Variants in DPYD observed in about 807,000 individuals in gnomAD.
The protein encoded by DPYD is dihydropyrimidine dehydrogenase [NADP(+)].
Under a neutral mutation model 116.2 loss-of-function variants are expected in DPYD, and 109 were observed. The ratio of observed to expected loss-of-function variants is 0.94; its 90% CI spans 0.80 to 1.10. The LOEUF (loss-of-function observed/expected upper bound fraction) is 1.10, where lower values mean the gene tolerates loss of function less well. Among genes scored for constraint, DPYD ranks in the 50% least tolerant of loss-of-function variants. The probability of loss-of-function intolerance (pLI) is 0.00; values close to 1 mark genes in which losing one functional copy is unlikely to be tolerated. For synonymous variants in DPYD, 440 were observed against 432.0 expected (o/e 1.02, Z -0.23); for missense variants, 1,302 against 1,254.5 (o/e 1.04, Z -0.57).
intron 20 of DPYD, among the ~76,000 whole-genome samples, chr1:97,103,449 TAC>T (rs1361249355): frequency 1.3e-5 from 2 of 152,254 alleles, no homozygotes; most frequent in East Asian, 3.9e-4. Flanking sequence ...AAAGTCCATC[TAC>T]ATATTACACG....
intron 20 of DPYD, among the ~76,000 whole-genome samples, chr1:97,151,244 G>T (rs1347739442): frequency 6.6e-6 from 1 of 152,094 alleles, no homozygotes; most frequent in Non-Finnish European, 1.5e-5. Flanking sequence ...CATATATAGA[G>T]ATTATACAGA....
intron 20 of DPYD, among the ~76,000 whole-genome samples, chr1:97,161,894 C>T (rs966753016): frequency 3.3e-5 from 5 of 151,980 alleles, no homozygotes; most frequent in East Asian, 1.9e-4. Flanking sequence ...CTACAAAGGA[C>T]ATGAACTCAC....
chr1:97,632,588 C>T (rs945926841), intron 8 of DPYD, among the ~76,000 whole-genome samples: 2 of 152,080 alleles, frequency 1.3e-5, no homozygotes, highest in African/African-American at 2.4e-5. Flanking sequence ...CATTGCTATT[C>T]ATCAATGATA....
intron 10 of DPYD, among the ~76,000 whole-genome samples, chr1:97,574,609 T>C (rs1653139444): frequency 6.6e-6 from 1 of 152,152 alleles, no homozygotes; most frequent in Non-Finnish European, 1.5e-5. Flanking sequence ...ACGTAATTCA[T>C]TTTGCCATAA....
chr1:97,336,164 T>C (rs1299885215), intron 16 of DPYD, among the ~76,000 whole-genome samples: 1 of 152,180 alleles, frequency 6.6e-6, no homozygotes, highest in African/African-American at 2.4e-5. Flanking sequence ...TCAAACACCA[T>C]GGCACAATAA....
chr1:97,423,995 T>TA (rs1220812564), intron 14 of DPYD, among the ~76,000 whole-genome samples: 1 of 152,106 alleles, frequency 6.6e-6, no homozygotes, highest in Non-Finnish European at 1.5e-5. Flanking sequence ...TGCACCTCTT[T>TA]AACACACCGA....
At chr1:97,913,497 G>C (rs1674066180) in intron 1 of DPYD, among the ~76,000 whole-genome samples, 1 of 152,078 alleles carries the variant, frequency 6.6e-6, no homozygotes, top group African/African-American at 2.4e-5. Flanking sequence ...GAGAGCAAGG[G>C]ATCTATGGCA....
chr1:97,480,487 G>A (rs1191246250), intron 13 of DPYD, among the ~76,000 whole-genome samples: 1 of 152,198 alleles, frequency 6.6e-6, no homozygotes, highest in Non-Finnish European at 1.5e-5. Context: ...AAAAAGTGTA[G>A]TGTAGTCATA....
chr1:97,516,963 T>C (rs771808819), intron 12 of DPYD, among the ~76,000 whole-genome samples: 5 of 152,106 alleles, frequency 3.3e-5, no homozygotes, highest in African/African-American at 4.8e-5. Flanking sequence ...CATTCTCTTG[T>C]GAATCATCAC....
chr1:97,686,753 C>A (rs1338630079), intron 7 of DPYD, among the ~76,000 whole-genome samples: 1 of 149,466 alleles, frequency 6.7e-6, no homozygotes, highest in East Asian at 2.0e-4. Flanking sequence ...AAGATTTCAT[C>A]ATGAAAACAT....
intron 20 of DPYD, among the ~76,000 whole-genome samples, chr1:97,164,566 C>G (rs828058): frequency 5.9e-5 from 9 of 152,042 alleles, no homozygotes; most frequent in African/African-American, 2.2e-4. Flanking sequence ...GCTGATAAAC[C>G]TCTTCTGCAA....
chr1:97,579,217 T>G (rs1653472610), intron 10 of DPYD, among the ~76,000 whole-genome samples: 1 of 152,244 alleles, frequency 6.6e-6, no homozygotes, highest in Admixed American at 6.5e-5. Flanking sequence ...GCATCAAGAC[T>G]GGTCACAGCC....
intron 8 of DPYD, among the ~76,000 whole-genome samples, chr1:97,624,555 G>A (rs1268024846): frequency 2.6e-5 from 4 of 151,886 alleles, no homozygotes; most frequent in Non-Finnish European, 4.4e-5. Context: ...AAGCAGAAAG[G>A]CAGTTCCTCG....
At chr1:97,838,714 G>A (rs902143883) in intron 2 of DPYD, among the ~76,000 whole-genome samples, 7 of 152,026 alleles carry the variant, frequency 4.6e-5, no homozygotes, top group Middle Eastern at 3.4e-3. Flanking sequence ...GCGCGGTGGC[G>A]GGCGCCTGTA....
chr1:97,208,987 T>A (rs1462574663), intron 19 of DPYD, among the ~76,000 whole-genome samples: 1 of 152,108 alleles, frequency 6.6e-6, no homozygotes, highest in Non-Finnish European at 1.5e-5. Context: ...CCATATTGAC[T>A]AATTTCTAAG....
intron 11 of DPYD, among the ~76,000 whole-genome samples, chr1:97,564,181 C>A (rs549711274): frequency 6.6e-6 from 1 of 152,204 alleles, no homozygotes; most frequent in East Asian, 1.9e-4. Flanking sequence ...AACAACATGG[C>A]AGCACATGAG....
intron 12 of DPYD, among the ~76,000 whole-genome samples, chr1:97,519,309 G>A (rs1648469275): frequency 6.6e-6 from 1 of 152,148 alleles, no homozygotes; most frequent in South Asian, 2.1e-4. Flanking sequence ...AGCAGGCAAA[G>A]AGGGAGAGCT....
chr1:97,466,880 A>C (rs1677354187), intron 13 of DPYD, among the ~76,000 whole-genome samples: 1 of 152,164 alleles, frequency 6.6e-6, no homozygotes, highest in Admixed American at 6.5e-5. Flanking sequence ...AAAGAACTCT[A>C]ACATTTTACA....
intron 8 of DPYD, among the ~76,000 whole-genome samples, chr1:97,598,227 G>A (rs1177988202): frequency 6.6e-6 from 1 of 152,086 alleles, no homozygotes; most frequent in Non-Finnish European, 1.5e-5. Flanking sequence ...GCAACCTTAA[G>A]TGAAATATGA....
Sources: allele counts gnomAD v4.1 joint callset (sites outside exome capture counted in the v4.1 genomes callset), GRCh38; gene constraint gnomAD v4.1.1; transcripts MANE v1.5; gene names NCBI Gene and HGNC (gene_info 2026-07-23, HGNC 2026-07-21).